The following RASAL2 variants were observed in gnomAD, a reference collection of about 807,000 sequenced individuals.
RASAL2 encodes the protein RAS protein activator like 2.
Under a neutral mutation model 128.9 loss-of-function variants are expected in RASAL2, and 58 were observed. That is an observed-to-expected ratio of 0.45 (90% CI 0.36 to 0.56). RASAL2 has a LOEUF of 0.56. RASAL2 is among the 20% of genes least tolerant of loss of function. The pLI is 0.00. For missense variants in RASAL2, 1,360 were observed against 1,601.6 expected, an observed-to-expected ratio of 0.85 and a Z score of 2.57; for synonymous variants, 561 against 580.8, an observed-to-expected ratio of 0.97 and a Z score of 0.49.
At chr1:178,303,524 TG>T (rs1206530764) in intron 3 of RASAL2, among the ~76,000 whole-genome samples, 1 of 151,660 alleles carries the variant, frequency 6.6e-6, no homozygotes, top group African/African-American at 2.4e-5. Context: ...GAATTTGTGT[TG>T]GGCTGCATTC....
chr1:178,304,299 G>A (rs1195454378), intron 3 of RASAL2, among the ~76,000 whole-genome samples: 1 of 152,094 alleles, frequency 6.6e-6, no homozygotes, highest in Non-Finnish European at 1.5e-5. Context: ...TGAAGCTGGA[G>A]GGTCACTTAT....
intron 1 of RASAL2, among the ~76,000 whole-genome samples, chr1:178,164,820 CGTTTGTGTGTGTGT>C (rs1661463869): frequency 1.0e-5 from 1 of 95,288 alleles, no homozygotes; most frequent in Non-Finnish European, 2.1e-5. Flanking sequence ...GTTCATCAAA[CGTTTGTGTGTGTGT>C]GTGTGTGTGT....
In RASAL2 at chr1:178,251,405, T is replaced by C. The variant is rs376774741; in HGVS notation, c.203-32159T>C. The stretch of plus-strand genomic sequence containing the variant: ...GATGCTTCCGTTAGAACACTCCCTT[T>C]TGTGATTTCCTCATCACTTAAGAAA... On this transcript the variant is annotated intron_variant, in intron 1 of 17. Transcript: ENST00000367649. Among the ~76,000 whole-genome samples the C allele has an allele frequency of 2.6e-5, 4 of 152,370 alleles. No homozygotes were observed. The East Asian group carries it at 5.8e-4, about 22-fold the overall frequency.
At chr1:178,379,398 AGGAAG>A (rs1438031929) in intron 3 of RASAL2, among the ~76,000 whole-genome samples, 1 of 144,948 alleles carries the variant, frequency 6.9e-6, no homozygotes, top group African/African-American at 2.5e-5. Context: ...ACAGAGAGAA[AGGAAG>A]GGGAGGGGAG....
At chr1:178,118,815 G>T (rs987681495) in intron 1 of RASAL2, among the ~76,000 whole-genome samples, 4 of 151,720 alleles carry the variant, frequency 2.6e-5, no homozygotes, top group Admixed American at 2.0e-4. Context: ...ATGACAGATT[G>T]AGTTTGTTGA....
intron 1 of RASAL2, among the ~76,000 whole-genome samples, chr1:178,114,082 G>GT (rs1306368593): frequency 2.0e-5 from 3 of 150,544 alleles, no homozygotes; most frequent in African/African-American, 2.4e-5. Context: ...GTTTTGTTTT[G>GT]TTTTTTGTGG....
intron 3 of RASAL2, among the ~76,000 whole-genome samples, chr1:178,351,634 C>A (rs2102441277): frequency 6.6e-6 from 1 of 150,834 alleles, no homozygotes; most frequent in Non-Finnish European, 1.5e-5. Flanking sequence ...GAGGCTGAGG[C>A]AGAAGAGTGG....
intron 3 of RASAL2, among the ~76,000 whole-genome samples, chr1:178,314,377 C>G (rs1450175572): frequency 6.6e-6 from 1 of 152,132 alleles, no homozygotes; most frequent in Non-Finnish European, 1.5e-5. Flanking sequence ...AAATATTAGG[C>G]TAACAAAATA....
At chr1:178,287,644 T>G (rs1667094042) in intron 2 of RASAL2, among the ~76,000 whole-genome samples, 1 of 152,262 alleles carries the variant, frequency 6.6e-6, no homozygotes, top group Admixed American at 6.5e-5. Context: ...ATGTATATAC[T>G]GTGGAATACT....
chr1:178,419,405 C>T (rs1035791227), intron 4 of RASAL2, among the ~76,000 whole-genome samples: 3 of 152,112 alleles, frequency 2.0e-5, no homozygotes, highest in African/African-American at 4.8e-5. Flanking sequence ...TCCTGAGTAG[C>T]TGGGACTACA....
chr1:178,253,143 TGACAGTCTTTGGTGTTTCTTGGCA>T (rs1191123734), intron 1 of RASAL2, among the ~76,000 whole-genome samples: 2 of 152,176 alleles, frequency 1.3e-5, no homozygotes, highest in Non-Finnish European at 2.9e-5. Flanking sequence ...TGGTGGTTGC[TGACAGTCTTTGGTGTTTCTTGGCA>T]TTCAGCTTCA....
chr1:178,416,591 T>C (rs559431437), intron 4 of RASAL2, among the ~76,000 whole-genome samples: 2 of 152,238 alleles, frequency 1.3e-5, no homozygotes, highest in African/African-American at 4.8e-5. Flanking sequence ...TTGTGACCTA[T>C]ATTGTTTTCT....
Position 178,278,583 on chromosome 1 carries a change from G to A in RASAL2, c.203-4981G>A, listed in dbSNP as rs1571765616. On this transcript the variant is annotated intron_variant, in intron 1 of 17. Transcript: ENST00000367649. ...AATGATGTGATTCAAAAGCAACTCA[G>A]ATGAACTTCTAAGGAGCCGTAAGAT... Among the ~76,000 whole-genome samples the A allele has an allele frequency of 2.6e-5, 4 of 152,264 alleles. No homozygotes were observed. The Middle Eastern group carries it at 0.014, about 518-fold the overall frequency.
chr1:178,314,747 A>C (rs149853749), intron 3 of RASAL2, among the ~76,000 whole-genome samples: 1 of 152,290 alleles, frequency 6.6e-6, no homozygotes, highest in Admixed American at 6.5e-5. Flanking sequence ...GGCATCACAG[A>C]TACTTATAAA....
chr1:178,381,341 G>C (rs1436195072), intron 3 of RASAL2, among the ~76,000 whole-genome samples: 2 of 152,110 alleles, frequency 1.3e-5, no homozygotes, highest in African/African-American at 4.8e-5. Context: ...AAAAGCCCTA[G>C]ATTAGGATGG....
chr1:178,414,190 T>C (rs1674599022), intron 4 of RASAL2, among the ~76,000 whole-genome samples: 1 of 152,100 alleles, frequency 6.6e-6, no homozygotes, highest in South Asian at 2.1e-4. Flanking sequence ...CTATCATAAA[T>C]CAAAAAATTG....
intron 1 of RASAL2, among the ~76,000 whole-genome samples, chr1:178,273,895 A>G (rs113823950): frequency 2.0e-5 from 3 of 152,306 alleles, no homozygotes; most frequent in South Asian, 4.1e-4. Context: ...CACTGCTGAT[A>G]TGAGTCAGCT....
intron 3 of RASAL2, among the ~76,000 whole-genome samples, chr1:178,379,274 G>C (rs1321021756): frequency 6.6e-6 from 1 of 152,044 alleles, no homozygotes; most frequent in Non-Finnish European, 1.5e-5. Context: ...TCAGCTACTG[G>C]GGAGGCTGAG....
At chr1:178,126,313 G>A (rs1009113397) in intron 1 of RASAL2, among the ~76,000 whole-genome samples, 9 of 152,138 alleles carry the variant, frequency 5.9e-5, no homozygotes, top group Admixed American at 3.9e-4. Context: ...GATATATAAT[G>A]TATATTTTTT....
Sources: gnomAD v4.1 joint callset for allele counts (sites outside exome capture counted in the v4.1 genomes callset) on GRCh38, gnomAD v4.1.1 for gene constraint, MANE v1.5 for transcripts, NCBI Gene and HGNC (gene_info 2026-07-23, HGNC 2026-07-21) for gene names.